Variants in ARL3 observed in about 807,000 individuals in gnomAD.
ARL3 encodes the protein ARF like GTPase 3.
In ARL3, 9 loss-of-function variants were observed where a neutral mutation model predicts 26.0. The observed-to-expected ratio is 0.35, with a 90% confidence interval of 0.21 to 0.60. The LOEUF (loss-of-function observed/expected upper bound fraction) is 0.60. Ranked by LOEUF, ARL3 falls within the 20% of genes least tolerant of loss-of-function variation. The pLI is 0.78. For missense variants in ARL3, 158 were observed against 215.7 expected (o/e 0.73, Z 1.67); for synonymous variants, 71 against 78.4 (o/e 0.91, Z 0.50).
chr10:102,698,505 CATCT>C (rs1197373776), intron 3 of ARL3, among the ~76,000 whole-genome samples: 11 of 152,166 alleles, frequency 7.2e-5, no homozygotes, highest in Non-Finnish European at 1.2e-4. Flanking sequence ...ATTTTTCTCC[CATCT>C]AAGTTCATGA....
At chr10:102,713,828 G>A (rs2064363216) in intron 1 of ARL3, among the ~76,000 whole-genome samples, 1 of 152,238 alleles carries the variant, frequency 6.6e-6, no homozygotes, top group African/African-American at 2.4e-5. Flanking sequence ...CGACCTCAGA[G>A]CCAATGGGGC....
At chr10:102,678,152 G>A (rs1379996162) in intron 5 of ARL3, among the ~76,000 whole-genome samples, 2 of 152,096 alleles carry the variant, frequency 1.3e-5, no homozygotes, top group African/African-American at 2.4e-5. Flanking sequence ...ATAATCTGAC[G>A]GCTGTCCCAG....
intron 3 of ARL3, among the ~76,000 whole-genome samples, chr10:102,693,982 G>C (rs904912074): frequency 9.2e-5 from 14 of 151,906 alleles, no homozygotes; most frequent in Non-Finnish European, 7.4e-5. Flanking sequence ...GCTTCCAGAA[G>C]TTTTATTTTT....
At chr10:102,708,398 C>T (rs2034881908) in intron 1 of ARL3, among the ~76,000 whole-genome samples, 1 of 151,972 alleles carries the variant, frequency 6.6e-6, no homozygotes, top group South Asian at 2.1e-4. Context: ...ATCCTGAGTT[C>T]CTGATTGTAA....
intron 2 of ARL3, among the ~76,000 whole-genome samples, chr10:102,704,002 T>G (rs1253929240): frequency 6.6e-6 from 1 of 151,376 alleles, no homozygotes; most frequent in Non-Finnish European, 1.5e-5. Context: ...ATACAACAAA[T>G]TAGCCAGGCG....
chr10:102,692,379 G>A (rs1284276511), intron 3 of ARL3, among the ~76,000 whole-genome samples: 1 of 152,210 alleles, frequency 6.6e-6, no homozygotes, highest in African/African-American at 2.4e-5. Context: ...ATGATTGAAA[G>A]AGGAAAAAGG....
At chr10:102,679,952 A>G (rs894829079) in intron 5 of ARL3, among the ~76,000 whole-genome samples, 3 of 152,018 alleles carry the variant, frequency 2.0e-5, no homozygotes, top group African/African-American at 7.3e-5. Flanking sequence ...TTCACCTGGC[A>G]AGGAAGGCTT....
chr10:102,678,637 A>T (rs1176530439), intron 5 of ARL3, among the ~76,000 whole-genome samples: 1 of 152,222 alleles, frequency 6.6e-6, no homozygotes, highest in Non-Finnish European at 1.5e-5. Flanking sequence ...AATCAAGGAC[A>T]GTGTGCCCAC....
In ARL3 at chr10:102,679,215, T is replaced by C. The variant is rs564639938; in HGVS notation, c.502-2274A>G. ...ACCTCCTCAATCACGTGGCCATGGA[T>C]CTAGCTGGGGCAAGCTTTGTCAATC... is the stretch of plus-strand genomic sequence containing the variant. On this transcript the variant is annotated intron_variant, in intron 5 of 5. Coordinates refer to ENST00000260746, the MANE Select transcript of ARL3 (RefSeq NM_004311.4). Among the ~76,000 whole-genome samples, 6 of 152,274 alleles carry C rather than the reference T, an allele frequency of 3.9e-5. No individual in the cohort carries two copies. In the East Asian group the frequency reaches 1.2e-3, roughly 29 times the overall value.
Position 102,686,895 on chromosome 10 carries a change from G to T in ARL3, c.316-894C>A, listed in dbSNP as rs12249028. ...TTTTTTTTTTTTTTTTTTTTTTTTTGAGACGAGTCTTGCTCTGTTGCCCAG... is the reference window on the plus strand; with the variant it reads ...TTTTTTTTTTTTTTTTTTTTTTTTTTAGACGAGTCTTGCTCTGTTGCCCAG... On this transcript the variant is annotated intron_variant, in intron 4 of 5. Coordinates refer to ENST00000260746, the MANE Select transcript of ARL3 (RefSeq NM_004311.4). Among the ~76,000 whole-genome samples the T allele has an allele frequency of 2.6e-3, 147 of 57,206 alleles. 1 individual carries two copies. The highest frequency in any genetic ancestry group is 0.01 in the African/African-American group (136 of 13,276). The allele number at this position is 57,206 out of a possible 152,430, so 37.5% of individuals were successfully genotyped here.
At chr10:102,686,296 T>C (rs2064185160) in intron 4 of ARL3, among the ~76,000 whole-genome samples, 1 of 151,896 alleles carries the variant, frequency 6.6e-6, no homozygotes, top group Admixed American at 6.6e-5. Flanking sequence ...GGTCTAGAAC[T>C]GCACACCTCA....
At chr10:102,711,346 A>G (rs1185122828) in intron 1 of ARL3, among the ~76,000 whole-genome samples, 1 of 151,084 alleles carries the variant, frequency 6.6e-6, no homozygotes, top group Non-Finnish European at 1.5e-5. Context: ...GTATATATAT[A>G]TATATATGTA....
At position 102,685,924 on chromosome 10, in the gene ARL3, G is replaced by C; in HGVS notation, c.393C>G (p.Leu131=). 6.2e-7 allele frequency: 1 copy of C among 1,614,162 alleles called. No homozygotes were observed. The highest frequency in any genetic ancestry group is 8.5e-7 in the Non-Finnish European group (1 of 1,180,044). The change falls in exon 5 of 6, where the codon CTC becomes CTG. Residue 131 remains leucine (L), a synonymous_variant. Coordinates refer to ENST00000260746, the MANE Select transcript of ARL3 (RefSeq NM_004311.4). The part of the protein sequence containing the change: ...VLIFANKQDL[L]TAAPASEIAE... Reference sequence around the variant, plus strand: ...CAATTTCAGAGGCAGGGGCTGCTGTGAGCAAATCCTGCTTATTAGCAAAGA... The same window carrying C: ...CAATTTCAGAGGCAGGGGCTGCTGTCAGCAAATCCTGCTTATTAGCAAAGA...
intron 1 of ARL3, among the ~76,000 whole-genome samples, chr10:102,712,525 T>C (rs1014480951): frequency 6.6e-6 from 1 of 152,266 alleles, no homozygotes; most frequent in African/African-American, 2.4e-5. Flanking sequence ...AACACAACAG[T>C]TGTATACAAC....
rs992520518 is a variant in ARL3 at position 102,699,221 on chromosome 10, T to G, written c.264+152A>C. On this transcript the variant is annotated intron_variant, in intron 3 of 5. Transcript: ENST00000260746. ...CAAGTTATACAAAGATGTTTTTCCTTTATAATCTGTAGCCTTCTGCTATCC... is the reference window on the plus strand; with the variant it reads ...CAAGTTATACAAAGATGTTTTTCCTGTATAATCTGTAGCCTTCTGCTATCC... 5 of 628,034 alleles carry G rather than the reference T, an allele frequency of 8.0e-6. No individual in the cohort carries two copies. In the East Asian group the frequency reaches 8.5e-5, roughly 11 times the overall value. The allele number at this position is 628,034 out of a possible 1,614,324, so 38.9% of individuals were successfully genotyped here. A position where few individuals can be genotyped will look rare whatever the true frequency, so the allele number is the denominator to read the frequency against.
chr10:102,708,454 A>G (rs2064320579), intron 1 of ARL3, among the ~76,000 whole-genome samples: 1 of 152,200 alleles, frequency 6.6e-6, no homozygotes, highest in Admixed American at 6.5e-5. Flanking sequence ...ATTATAAAAC[A>G]TCTGGAATTT....
At chr10:102,707,006 AGCATGTTGCTGG>A (rs1354139261) in intron 1 of ARL3, among the ~76,000 whole-genome samples, 1 of 151,730 alleles carries the variant, frequency 6.6e-6, no homozygotes, top group African/African-American at 2.4e-5. Context: ...AGAAATATAA[AGCATGTTGCTGG>A]GCATGGTGGC....
chr10:102,706,654 A>G (rs2064312547), intron 1 of ARL3, among the ~76,000 whole-genome samples: 1 of 151,680 alleles, frequency 6.6e-6, no homozygotes, highest in Non-Finnish European at 1.5e-5. Flanking sequence ...CAAAACAAAA[A>G]CCCACCAAAA....
intron 1 of ARL3, among the ~76,000 whole-genome samples, chr10:102,711,752 G>A (rs1309431522): frequency 6.6e-6 from 1 of 151,056 alleles, no homozygotes; most frequent in Admixed American, 6.6e-5. Context: ...GCAAGACTCC[G>A]TCTCAAAAAA....
Sources: gnomAD v4.1 joint callset for allele counts (sites outside exome capture counted in the v4.1 genomes callset) on GRCh38, gnomAD v4.1.1 for gene constraint, MANE v1.5 for transcripts, NCBI Gene and HGNC (gene_info 2026-07-23, HGNC 2026-07-21) for gene names.